The following KCNAB2 variants were observed in gnomAD, a reference collection of about 807,000 sequenced individuals.
KCNAB2 encodes the protein potassium voltage-gated channel subfamily A regulatory beta subunit 2.
A neutral mutation model predicts 63.6 loss-of-function variants in KCNAB2; 29 were observed. The ratio of observed to expected loss-of-function variants is 0.46; its 90% CI spans 0.34 to 0.62. KCNAB2 has a LOEUF of 0.62. KCNAB2 is among the 20% of genes least tolerant of loss of function. The pLI, the probability that KCNAB2 is intolerant of heterozygous loss-of-function variation, is 0.01. For missense variants in KCNAB2, 359 were observed against 563.9 expected (o/e 0.64, Z 3.68); for synonymous variants, 222 against 224.2 (o/e 0.99, Z 0.09).
upstream of KCNAB2, among the ~76,000 whole-genome samples, chr1:6,045,329 AC>A (rs1404970220): frequency 1.7e-4 from 26 of 152,206 alleles, no homozygotes; most frequent in East Asian, 5.0e-3. This position sits in a 1 kb window ranked among gnomAD's most constrained non-coding sequence, Gnocchi z 4.8. Flanking sequence ...ACACGCAGTG[AC>A]CCTGGGGGTC....
At chr1:6,020,599 T>C (rs971889033) in intron 1 of KCNAB2, among the ~76,000 whole-genome samples, 18 of 152,150 alleles carry the variant, frequency 1.2e-4, no homozygotes, top group African/African-American at 3.6e-4. Context: ...TCAGGAAATA[T>C]AGGGGTCATG....
chr1:6,095,306 C>G lies in KCNAB2; in HGVS notation c.733-17C>G, dbSNP rs114660937. ...CTCACAGGCAAGGGCCCTCGGGGTC[C>G]CTTTCTGCCTTCACAGGAGGCCTAC... On this transcript the variant is annotated splice_polypyrimidine_tract_variant and intron_variant, in intron 11 of 15. Coordinates refer to ENST00000378083, the MANE Select transcript of KCNAB2 (RefSeq NM_001199862.2). 3.1e-6 allele frequency: 5 copies of G among 1,608,546 alleles called. No individual in the cohort carries two copies. The highest frequency in any genetic ancestry group is 4.2e-6 in the Non-Finnish European group (5 of 1,178,290).
At chr1:6,085,320 G>C (rs36032813) in intron 6 of KCNAB2, 72 bp downstream of exon 6, 2 of 1,394,142 alleles carry the variant, frequency 1.4e-6, no homozygotes, top group Admixed American at 1.7e-5. Context: ...CAGCCTCGTC[G>C]GCCTGTCGTG....
chr1:6,046,167 C>T lies in KCNAB2; in HGVS notation c.-43C>T, dbSNP rs952519481. On this transcript the variant is annotated 5_prime_UTR_variant, in exon 1 of 16. In the 5' UTR this introduces an upstream ATG that the reference lacks. Transcript: ENST00000378083. Reference sequence around the variant, plus strand: ...GACTGTGGCCTTTTTAACGAGCAGACGCCCCCACGAAGGCAGGTGAGTCCT... The same window carrying T: ...GACTGTGGCCTTTTTAACGAGCAGATGCCCCCACGAAGGCAGGTGAGTCCT... The T allele has an allele frequency of 1.3e-5, 13 of 985,270 alleles. No homozygotes were observed. Among genetic ancestry groups the T allele is most frequent in the African/African-American group, 1.2e-4 (7 of 57,220 alleles). The allele number at this position is 985,270 out of a possible 1,614,324, so 61.0% of individuals were successfully genotyped here. A position where few individuals can be genotyped will look rare whatever the true frequency, so the allele number is the denominator to read the frequency against.
At chr1:5,996,698 G>A (rs1333158349) in intron 1 of KCNAB2, among the ~76,000 whole-genome samples, 2 of 152,266 alleles carry the variant, frequency 1.3e-5, no homozygotes, top group Non-Finnish European at 2.9e-5. Flanking sequence ...GGGGAAAAGT[G>A]GAGAAATGGT....
chr1:6,015,025 T>G (rs527248919), intron 1 of KCNAB2, among the ~76,000 whole-genome samples: 4 of 125,466 alleles, frequency 3.2e-5, no homozygotes, highest in South Asian at 3.0e-4. Flanking sequence ...CCTTTTTTTT[T>G]TTTTTTTTTT....
At chr1:5,995,164 G>A (rs921631294) in intron 1 of KCNAB2, among the ~76,000 whole-genome samples, 8 of 152,168 alleles carry the variant, frequency 5.3e-5, no homozygotes, top group South Asian at 2.1e-4. Context: ...AGCTCGGGGC[G>A]GCAATTCGAG....
At chr1:5,995,091 C>T (rs1184179149) in intron 1 of KCNAB2, among the ~76,000 whole-genome samples, 1 of 152,138 alleles carries the variant, frequency 6.6e-6, no homozygotes, top group African/African-American at 2.4e-5. Flanking sequence ...ATATTCACGC[C>T]GCCAGAGGTC....
intron 1 of KCNAB2, among the ~76,000 whole-genome samples, chr1:6,038,566 C>T (rs986377136): frequency 8.5e-5 from 13 of 152,130 alleles, no homozygotes; most frequent in Non-Finnish European, 4.4e-5. Context: ...CCTCCTGCCT[C>T]GGCCTCCCGA....
At chr1:6,002,359 C>T (rs1332045334) in intron 1 of KCNAB2, among the ~76,000 whole-genome samples, 3 of 152,248 alleles carry the variant, frequency 2.0e-5, no homozygotes, top group Non-Finnish European at 2.9e-5. Context: ...CAGAGACAGC[C>T]GTGGCCTCTG....
intron 5 of KCNAB2, among the ~76,000 whole-genome samples, chr1:6,082,984 G>A (rs1311356296): frequency 6.6e-5 from 10 of 152,180 alleles, no homozygotes; most frequent in Non-Finnish European, 1.2e-4. Context: ...GTGGTTACCT[G>A]CAACTGCAGC....
chr1:6,082,281 GTCTTT>G lies in KCNAB2; in HGVS notation c.380+10_380+14del, dbSNP rs143758613. ...AAGTCTACGCAGCCGGCAAGTACGT[GTCTTT>G]TCACACGGGAAAAAGTGGTTCAGAA... On this transcript the variant is annotated splice_region_variant and intron_variant, in intron 5 of 15. Transcript: ENST00000378083. 7.1e-3 allele frequency: 11,364 copies of G among 1,610,112 alleles called. 633 individuals are homozygous for G. In the African/African-American group the frequency reaches 0.13, roughly 18 times the overall value.
chr1:6,002,708 G>A (rs1012822724), intron 1 of KCNAB2, among the ~76,000 whole-genome samples: 1 of 152,214 alleles, frequency 6.6e-6, no homozygotes, highest in Non-Finnish European at 1.5e-5. Context: ...GGTCCCTTGA[G>A]TGGATTTCCA....
intron 11 of KCNAB2, 104 bp from the exon 12 acceptor site, chr1:6,095,219 C>A: frequency 7.9e-7 from 1 of 1,267,496 alleles, no homozygotes; most frequent in Non-Finnish European, 1.1e-6. Flanking sequence ...AGCTGCTGGG[C>A]CAGCCTGCTC....
At chr1:6,085,709 G>C (rs1664640346) in intron 6 of KCNAB2, 1 of 466,274 alleles carries the variant, frequency 2.1e-6, no homozygotes, top group African/African-American at 2.1e-5. Context: ...GGGGGCCTGG[G>C]GTTGGATCCC....
chr1:6,082,533 G>A (rs1318429967), intron 5 of KCNAB2, among the ~76,000 whole-genome samples: 1 of 152,168 alleles, frequency 6.6e-6, no homozygotes, highest in Admixed American at 6.5e-5. Flanking sequence ...CAAAGATGCT[G>A]TGCTGGGTGA....
chr1:6,030,664 T>TA (rs35310819), upstream of KCNAB2, among the ~76,000 whole-genome samples: 144,187 of 151,662 alleles, frequency 0.95, 68,570 homozygotes, highest in East Asian at 1. Flanking sequence ...TGTACGTGTA[T>TA]GGGGTGTGTG....
chr1:6,069,941 C>T lies in KCNAB2; in HGVS notation c.219-2814C>T, dbSNP rs1237857071. 6.6e-6 allele frequency among the ~76,000 whole-genome samples: 1 copy of T among 152,206 alleles called. No homozygotes were observed. The highest frequency in any genetic ancestry group is 1.5e-5 in the Non-Finnish European group (1 of 68,040). ...GGAAGTGGGCCCATTTCCCAACACTCAGACCAGGAACAGATATGGAATCAG... is the reference window on the plus strand; with the variant it reads ...GGAAGTGGGCCCATTTCCCAACACTTAGACCAGGAACAGATATGGAATCAG... On this transcript the variant is annotated intron_variant, in intron 2 of 15. Coordinates refer to ENST00000378083, the MANE Select transcript of KCNAB2 (RefSeq NM_001199862.2). The surrounding 1 kb of genome is among the most constrained non-coding windows in gnomAD (Gnocchi z 5.4).
In KCNAB2 at chr1:6,026,954, C is replaced by T. The variant is rs115065037; in HGVS notation, c.-52-13563C>T. On this transcript the variant is annotated intron_variant, in intron 1 of 16. Transcript: ENST00000341524. ...AGGCCCCTGCCTTGAACATGGATGG[C>T]GTGGGTCCCCAGTCCCTCCTCTCTC... is the stretch of plus-strand genomic sequence containing the variant. Among the ~76,000 whole-genome samples, 433 of 152,296 alleles carry T rather than the reference C, an allele frequency of 2.8e-3. 2 individuals are homozygous for T. Among genetic ancestry groups the T allele is most frequent in the African/African-American group, 9.9e-3 (411 of 41,564 alleles).
Sources: allele counts gnomAD v4.1 joint callset (sites outside exome capture counted in the v4.1 genomes callset), GRCh38; gene constraint gnomAD v4.1.1; non-coding constraint Gnocchi (gnomAD v3.1); transcripts MANE v1.5; gene names NCBI Gene and HGNC (gene_info 2026-07-23, HGNC 2026-07-21).